The following CSMD1 variants were observed in gnomAD, a reference collection of about 807,000 sequenced individuals.
CSMD1 encodes CUB and sushi domain-containing protein 1.
CSMD1 carries 213 observed loss-of-function variants against 417.5 expected under a neutral mutation model. The observed-to-expected ratio is 0.51, with a 90% CI of 0.46 to 0.57. The LOEUF is 0.57. Ranked by LOEUF, CSMD1 falls within the 20% of genes least tolerant of loss-of-function variation. The pLI, the probability that CSMD1 is intolerant of heterozygous loss-of-function variation, is 0.00. For missense variants in CSMD1, 6,923 were observed against 4,529.7 expected, an observed-to-expected ratio of 1.53 and a Z score of -15.17; for synonymous variants, 2,862 against 1,736.8, an observed-to-expected ratio of 1.65 and a Z score of -16.11.
At chr8:3,492,109 C>T (rs186011241) in intron 11 of CSMD1, among the ~76,000 whole-genome samples, 1 of 152,290 alleles carries the variant, frequency 6.6e-6, no homozygotes, top group East Asian at 1.9e-4. Flanking sequence ...CCAGCAAAGG[C>T]GTGTGTCTGA....
At chr8:3,509,096 T>C (rs1796955486) in intron 10 of CSMD1, among the ~76,000 whole-genome samples, 1 of 152,172 alleles carries the variant, frequency 6.6e-6, no homozygotes, top group Non-Finnish European at 1.5e-5. Flanking sequence ...GGGACAAAAT[T>C]AATGCGTGCT....
chr8:3,500,334 TTA>T (rs150755330), intron 10 of CSMD1, among the ~76,000 whole-genome samples: 8,042 of 152,224 alleles, frequency 0.053, 294 homozygotes, highest in Middle Eastern at 0.092. Context: ...TGCATGACTT[TTA>T]GACATTTCTA....
chr8:4,289,550 G>A (rs947840729), intron 3 of CSMD1, among the ~76,000 whole-genome samples: 1 of 152,164 alleles, frequency 6.6e-6, no homozygotes, highest in East Asian at 1.9e-4. Flanking sequence ...TCTGACACGT[G>A]TCTCCCACTC....
chr8:4,176,965 C>T, intron 3 of CSMD1, among the ~76,000 whole-genome samples: 1 of 151,360 alleles, frequency 6.6e-6, no homozygotes, highest in Non-Finnish European at 1.5e-5. Context: ...ACTTAGACTC[C>T]CACACAATAA....
intron 5 of CSMD1, among the ~76,000 whole-genome samples, chr8:3,782,027 G>C (rs528826634): frequency 7.6e-6 from 1 of 132,356 alleles, no homozygotes; most frequent in Non-Finnish European, 1.8e-5. Flanking sequence ...TAATTTAAGA[G>C]TATCTCTCTA....
chr8:4,777,852 T>G (rs1310070016), intron 1 of CSMD1, among the ~76,000 whole-genome samples: 1 of 152,220 alleles, frequency 6.6e-6, no homozygotes, highest in East Asian at 1.9e-4. Context: ...TAACGGCAAC[T>G]ATGCACTTGA....
intron 1 of CSMD1, among the ~76,000 whole-genome samples, chr8:4,982,079 T>C (rs1810920102): frequency 6.6e-6 from 1 of 152,132 alleles, no homozygotes; most frequent in Non-Finnish European, 1.5e-5. Flanking sequence ...AGAAGTGGAT[T>C]CTACCCCAGC....
At chr8:3,272,235 A>C (rs1464438362) in intron 26 of CSMD1, among the ~76,000 whole-genome samples, 4 of 145,288 alleles carry the variant, frequency 2.8e-5, no homozygotes, top group African/African-American at 7.7e-5. Flanking sequence ...AAGATCAGAT[A>C]GTTGTAGATA....
intron 2 of CSMD1, among the ~76,000 whole-genome samples, chr8:4,612,578 T>G (rs1213831758): frequency 1.3e-5 from 2 of 152,156 alleles, no homozygotes; most frequent in Admixed American, 1.3e-4. Flanking sequence ...GGAATGAATG[T>G]GTGCCTGGAC....
chr8:4,706,967 A>G (rs1807985168), intron 1 of CSMD1, among the ~76,000 whole-genome samples: 1 of 152,208 alleles, frequency 6.6e-6, no homozygotes, highest in Non-Finnish European at 1.5e-5. Flanking sequence ...GGTTGGGGTT[A>G]GAGTGACAGG....
chr8:3,624,991 G>T (rs745330149), intron 7 of CSMD1, among the ~76,000 whole-genome samples: 29 of 151,974 alleles, frequency 1.9e-4, no homozygotes, highest in Non-Finnish European at 4.1e-4. Flanking sequence ...ATGTTGCCAT[G>T]GTAATCATTT....
At chr8:4,662,245 A>G (rs1415778320) in intron 1 of CSMD1, among the ~76,000 whole-genome samples, 1 of 152,178 alleles carries the variant, frequency 6.6e-6, no homozygotes, top group Non-Finnish European at 1.5e-5. Flanking sequence ...TATAATTAAT[A>G]CCAAATTTAA....
At chr8:3,457,754 G>GA (rs565746121) in intron 12 of CSMD1, among the ~76,000 whole-genome samples, 3 of 152,302 alleles carry the variant, frequency 2.0e-5, no homozygotes, top group South Asian at 4.1e-4. Context: ...AAGGTAATGA[G>GA]AAAATTGAAA....
intron 51 of CSMD1, among the ~76,000 whole-genome samples, chr8:3,020,480 C>G (rs1328940738): frequency 6.6e-6 from 1 of 152,146 alleles, no homozygotes; most frequent in Admixed American, 6.5e-5. Context: ...AGACATCCTT[C>G]TGCTCAGCCT....
chr8:3,229,150 G>C (rs1475601046), intron 27 of CSMD1, among the ~76,000 whole-genome samples: 1 of 151,986 alleles, frequency 6.6e-6, no homozygotes, highest in African/African-American at 2.4e-5. Flanking sequence ...ATAAAAACCA[G>C]TTCAAACCAC....
intron 1 of CSMD1, among the ~76,000 whole-genome samples, chr8:4,829,437 C>G (rs768879201): frequency 6.6e-6 from 1 of 152,092 alleles, no homozygotes; most frequent in African/African-American, 2.4e-5. Flanking sequence ...CATCTCAACT[C>G]AGCAGTAGAA....
intron 4 of CSMD1, among the ~76,000 whole-genome samples, chr8:4,030,401 C>T (rs1459728402): frequency 6.6e-6 from 1 of 152,228 alleles, no homozygotes; most frequent in Non-Finnish European, 1.5e-5. Context: ...CATTCGCAGG[C>T]TCAACACCAC....
intron 50 of CSMD1, among the ~76,000 whole-genome samples, chr8:3,039,130 G>A (rs1050706340): frequency 6.6e-6 from 1 of 152,154 alleles, no homozygotes; most frequent in Non-Finnish European, 1.5e-5. Flanking sequence ...TGTAAACACC[G>A]TGTGAGTGAG....
At chr8:3,731,330 G>A (rs868703261) in intron 6 of CSMD1, among the ~76,000 whole-genome samples, 1 of 152,210 alleles carries the variant, frequency 6.6e-6, no homozygotes, top group East Asian at 1.9e-4. Flanking sequence ...TCTCTTGAAA[G>A]AAAGAGATGG....
Sources: allele counts gnomAD v4.1 joint callset (sites outside exome capture counted in the v4.1 genomes callset), GRCh38; gene constraint gnomAD v4.1.1; transcripts MANE v1.5; gene names NCBI Gene and HGNC (gene_info 2026-07-23, HGNC 2026-07-21).